Variants in SCAMP5 observed in about 807,000 individuals in gnomAD.
SCAMP5 encodes secretory carrier membrane protein 5, also known as secretory carrier-associated membrane protein 5.
In SCAMP5, 7 loss-of-function variants were observed where a neutral mutation model predicts 28.3. That is an observed-to-expected ratio of 0.25 (90% CI 0.14 to 0.46). The LOEUF (loss-of-function observed/expected upper bound fraction) is 0.46, where lower values mean the gene tolerates loss of function less well. Ranked by LOEUF, SCAMP5 falls within the 20% of genes least tolerant of loss-of-function variation. The pLI is 0.99. For missense variants in SCAMP5, 192 were observed against 312.5 expected, an observed-to-expected ratio of 0.61 and a Z score of 2.91; for synonymous variants, 117 against 116.4, an observed-to-expected ratio of 1.00 and a Z score of -0.03.
intron 1 of SCAMP5, among the ~76,000 whole-genome samples, chr15:75,010,386 C>G (rs1241154568): frequency 2.0e-5 from 3 of 152,154 alleles, no homozygotes; most frequent in Non-Finnish European, 4.4e-5. Context: ...TCCAATTGCT[C>G]CCTTTCCCCT....
intron 1 of SCAMP5, among the ~76,000 whole-genome samples, chr15:75,008,401 G>T (rs761567235): frequency 1.3e-5 from 2 of 151,120 alleles, no homozygotes; most frequent in Non-Finnish European, 2.9e-5. Context: ...CTTACATAAG[G>T]GGTAGCATAT....
chr15:75,005,764 G>A (rs1023180683), intron 1 of SCAMP5, among the ~76,000 whole-genome samples: 4 of 151,898 alleles, frequency 2.6e-5, no homozygotes, highest in Non-Finnish European at 5.9e-5. Flanking sequence ...TCACTCTGTC[G>A]CCCAGGCTGG....
intron 1 of SCAMP5, among the ~76,000 whole-genome samples, chr15:74,998,651 G>A (rs1444204665): frequency 6.6e-6 from 1 of 150,782 alleles, no homozygotes; most frequent in Non-Finnish European, 1.5e-5. Context: ...GCCAGTGATT[G>A]CTGTCTTCCC....
rs1304646508 is a variant in SCAMP5 at position 75,012,804 on chromosome 15, G to A, written c.135G>A (p.Met45Ile). Residue 45 changes from methionine (M) to isoleucine (I), a missense_variant and splice_region_variant, in exon 3 of 7, where the codon ATG (methionine) becomes ATA (isoleucine). Physicochemically the swap from Met to Ile is conservative, Grantham distance 10. Coordinates refer to ENST00000425597, the MANE Select transcript of SCAMP5 (RefSeq NM_138967.4). ...CCAAGCGCCTCTACTACCTCTGGAT[G>A]TGTGAGTGCCATGGGATGGGGGTGG... The part of the protein sequence containing the change: ...SMTKRLYYLW[M>I]LNSVTLAVNL... 1.2e-6 allele frequency: 2 copies of A among 1,613,942 alleles called. No homozygotes were observed. Among genetic ancestry groups the A allele is most frequent in the African/African-American group, 1.3e-5 (1 of 74,950 alleles).
rs1298922888 is a variant in SCAMP5, at chr15:75,019,103, A to G, written c.*120A>G. On this transcript the variant is annotated 3_prime_UTR_variant, in exon 7 of 7. Transcript: ENST00000425597. Reference sequence around the variant, plus strand: ...TCCCTTTTCTCCTTCCCTACTTTGTACAAAGGACCAGAGTTATATATATAT... The same window carrying G: ...TCCCTTTTCTCCTTCCCTACTTTGTGCAAAGGACCAGAGTTATATATATAT... The G allele has an allele frequency of 6.8e-6, 4 of 589,308 alleles. No individual in the cohort carries two copies. In the Admixed American group the frequency reaches 1.1e-4, roughly 16 times the overall value. The allele number at this position is 589,308 out of a possible 1,614,324, so 36.5% of individuals were successfully genotyped here.
chr15:75,009,571 G>T (rs1046655994), intron 1 of SCAMP5, among the ~76,000 whole-genome samples: 1 of 151,636 alleles, frequency 6.6e-6, no homozygotes, highest in Admixed American at 6.6e-5. Context: ...CTACCTCCTG[G>T]ACTCAAGCAA....
rs547263885 is a variant in SCAMP5, at chr15:74,996,573, A to C, written c.-49+900A>C. On this transcript the variant is annotated intron_variant, in intron 1 of 6. Coordinates refer to ENST00000425597, the MANE Select transcript of SCAMP5 (RefSeq NM_138967.4). The surrounding 1 kb of genome is among the most constrained non-coding windows in gnomAD (Gnocchi z 4.1). Reference sequence around the variant, plus strand: ...ATGGGATTTGGGTGGGAGGAGAGGCAAGAGAGGGCATTCCAGGAGAATGTA... The same window carrying C: ...ATGGGATTTGGGTGGGAGGAGAGGCCAGAGAGGGCATTCCAGGAGAATGTA... Among the ~76,000 whole-genome samples the C allele has an allele frequency of 6.6e-6, 1 of 152,294 alleles. No homozygotes were observed. The highest frequency in any genetic ancestry group is 1.9e-4 in the East Asian group (1 of 5,188).
chr15:75,018,988 G>C lies in SCAMP5; in HGVS notation c.*5G>C. The C allele has an allele frequency of 1.3e-6, 2 of 1,494,030 alleles. No homozygotes were observed. The highest frequency in any genetic ancestry group is 1.8e-6 in the Non-Finnish European group (2 of 1,127,394). 92.5% of individuals were successfully genotyped at this position (1,494,030 alleles called of 1,614,324 possible). ...ACGTACTCCAATGAGATGTGAACCA[G>C]CCACGCCTACCAGGTGGCAGAGCTG... On this transcript the variant is annotated 3_prime_UTR_variant, in exon 7 of 7. Transcript: ENST00000425597. This position sits in a 1 kb window ranked among gnomAD's most constrained non-coding sequence, Gnocchi z 5.6.
chr15:75,010,133 C>G (rs936631595), intron 1 of SCAMP5, among the ~76,000 whole-genome samples: 1 of 152,172 alleles, frequency 6.6e-6, no homozygotes, highest in Non-Finnish European at 1.5e-5. Flanking sequence ...TTTCCTTGGC[C>G]TTAACTTGCC....
chr15:75,018,867 C>G lies in SCAMP5; in HGVS notation c.592C>G (p.Pro198Ala). 1.3e-6 allele frequency: 2 copies of G among 1,594,932 alleles called. No homozygotes were observed. The highest frequency in any genetic ancestry group is 1.7e-4 in the Middle Eastern group (1 of 5,984). ...EEWTTGAWKN[P>A]HVQQAAQNAA... Reference sequence around the variant, plus strand: ...GTGGACCACAGGGGCCTGGAAGAATCCACATGTGCAGCAGGCAGCCCAGAA... The same window carrying G: ...GTGGACCACAGGGGCCTGGAAGAATGCACATGTGCAGCAGGCAGCCCAGAA... The change falls in exon 7 of 7, where the codon CCA (proline) becomes GCA (alanine). Residue 198 changes from proline to alanine, a missense_variant. Physicochemically the swap from Pro to Ala is conservative, Grantham distance 27 (BLOSUM62 -1). Coordinates refer to ENST00000425597, the MANE Select transcript of SCAMP5 (RefSeq NM_138967.4). This position sits in a 1 kb window ranked among gnomAD's most constrained non-coding sequence, Gnocchi z 5.6.
chr15:75,006,391 A>G (rs61615664), intron 1 of SCAMP5, among the ~76,000 whole-genome samples: 150,345 of 152,058 alleles, frequency 0.99, 74,342 homozygotes, highest in Non-Finnish European at 1. Flanking sequence ...TGTGGCTCAT[A>G]CCTGTAATCC....
intron 1 of SCAMP5, among the ~76,000 whole-genome samples, chr15:75,007,919 C>T (rs1291676630): frequency 1.3e-5 from 2 of 151,970 alleles, no homozygotes; most frequent in East Asian, 3.9e-4. Context: ...AGGCTGGTCT[C>T]GAACTCCTGG....
At chr15:75,008,787 T>C (rs937709351) in intron 1 of SCAMP5, among the ~76,000 whole-genome samples, 8 of 152,138 alleles carry the variant, frequency 5.3e-5, no homozygotes, top group African/African-American at 1.9e-4. Flanking sequence ...CAGGTGTGAG[T>C]CACCATGGCT....
chr15:75,008,439 T>G (rs1191182070), intron 1 of SCAMP5, among the ~76,000 whole-genome samples: 1 of 152,000 alleles, frequency 6.6e-6, no homozygotes, highest in Admixed American at 6.6e-5. Context: ...CTCTGCTTTT[T>G]TTTTTTTACT....
At position 75,018,699 on chromosome 15, in the gene SCAMP5, G is replaced by T; in HGVS notation, c.514-90G>T. 2.2e-6 allele frequency: 2 copies of T among 910,514 alleles called. No homozygotes were observed. The highest frequency in any genetic ancestry group is 3.3e-6 in the Non-Finnish European group (2 of 606,862). 56.4% of individuals were successfully genotyped at this position (910,514 alleles called of 1,614,324 possible). ...GAGGCATTCATGGGGAGGGAGCACT[G>T]TTTTTTTTTTACAGATGGGTCCCAT... On this transcript the variant is annotated intron_variant, in intron 6 of 6. Transcript: ENST00000425597. This position sits in a 1 kb window ranked among gnomAD's most constrained non-coding sequence, Gnocchi z 5.6.
Position 75,012,777 on chromosome 15 carries a change from G to A in SCAMP5, c.108G>A (p.Met36Ile). The A allele has an allele frequency of 6.2e-7, 1 of 1,613,988 alleles. No homozygotes were observed. ...ATATTCCTCCCCAGCATGTCAGCAT[G>A]ACCAAGCGCCTCTACTACCTCTGGA... ...EADIPPQHVSMTKRLYYLWML... is the reference protein window; with the variant it reads ...EADIPPQHVSITKRLYYLWML... The change falls in exon 3 of 7, where the codon ATG (methionine) becomes ATA (isoleucine). Residue 36 changes from methionine (M) to isoleucine (I), a missense_variant. Physicochemically the swap from Met to Ile is conservative, Grantham distance 10. Transcript: ENST00000425597.
chr15:74,999,014 G>A (rs964603647), intron 1 of SCAMP5, among the ~76,000 whole-genome samples: 1 of 152,110 alleles, frequency 6.6e-6, no homozygotes, highest in Non-Finnish European at 1.5e-5. Flanking sequence ...TTTTCCTGGA[G>A]GTCTTTAGTG....
intron 1 of SCAMP5, among the ~76,000 whole-genome samples, chr15:75,002,558 T>A (rs2065719708): frequency 6.6e-6 from 1 of 152,012 alleles, no homozygotes; most frequent in Non-Finnish European, 1.5e-5. Flanking sequence ...GACTCGATGC[T>A]GTTAGTGTCA....
At position 74,995,616 on chromosome 15, in the gene SCAMP5, G is replaced by T. The variant is rs1210536687; in HGVS notation, c.-106G>T. 1 of 146,850 alleles carries T rather than the reference G, an allele frequency of 6.8e-6. No individual in the cohort carries two copies. Among genetic ancestry groups the T allele is most frequent in the African/African-American group, 2.5e-5 (1 of 40,200 alleles). The allele number at this position is 146,850 out of a possible 1,614,324, so 9.1% of individuals were successfully genotyped here. A position where few individuals can be genotyped will look rare whatever the true frequency, so the allele number is the denominator to read the frequency against. On this transcript the variant is annotated 5_prime_UTR_variant, in exon 1 of 7. Transcript: ENST00000425597. ...GGCCGGCTCCGCGCCGCATCGCTCG[G>T]GTGCAGCGCAGCTCAGCGCAGCGCT...
Sources: gnomAD v4.1 joint callset for allele counts (sites outside exome capture counted in the v4.1 genomes callset) on GRCh38, gnomAD v4.1.1 for gene constraint, Gnocchi (gnomAD v3.1) non-coding constraint, MANE v1.5 for transcripts, NCBI Gene and HGNC (gene_info 2026-07-23, HGNC 2026-07-21) for gene names.